Variants in TANC2 observed in about 807,000 individuals in gnomAD.
The protein encoded by TANC2 is tetratricopeptide repeat, ankyrin repeat and coiled-coil containing 2, also known as protein TANC2.
A neutral mutation model predicts 210.5 loss-of-function variants in TANC2; 26 were observed. That is an observed-to-expected ratio of 0.12 (90% confidence interval 0.09 to 0.17). The LOEUF is 0.17. Among genes scored for constraint, TANC2 ranks in the 10% least tolerant of loss-of-function variants. The pLI is 1.00. For missense variants in TANC2, 2,129 were observed against 2,608.9 expected, an observed-to-expected ratio of 0.82 and a Z score of 4.01; for synonymous variants, 931 against 967.1, an observed-to-expected ratio of 0.96 and a Z score of 0.69.
chr17:63,193,961 T>A, intron 5 of TANC2, 30 bp from the exon 6 acceptor site: 1 of 1,591,602 alleles, frequency 6.3e-7, no homozygotes, highest in Non-Finnish European at 8.6e-7. Flanking sequence ...TTTTGAAAGA[T>A]TCATGTTCTT....
At chr17:63,293,994 G>T (rs1252156038) in intron 9 of TANC2, among the ~76,000 whole-genome samples, 1 of 152,132 alleles carries the variant, frequency 6.6e-6, no homozygotes, top group Non-Finnish European at 1.5e-5. Context: ...CTCCTAGAGT[G>T]CTGGGATGAT....
At chr17:63,166,309 CAGAGAGAGAGAG>C (rs143389476) in intron 5 of TANC2, among the ~76,000 whole-genome samples, 1 of 149,368 alleles carries the variant, frequency 6.7e-6, no homozygotes. Context: ...CTAGATAGCA[CAGAGAGAGAGAG>C]AGAGAGAGAT....
intron 13 of TANC2, among the ~76,000 whole-genome samples, chr17:63,352,844 C>T (rs906883227): frequency 4.6e-5 from 7 of 152,014 alleles, no homozygotes; most frequent in Admixed American, 2.0e-4. Context: ...GTTCTAGGGG[C>T]TGGAGATTCA....
chr17:63,386,837 T>G (rs2047796280), intron 15 of TANC2, among the ~76,000 whole-genome samples: 1 of 152,134 alleles, frequency 6.6e-6, no homozygotes, highest in African/African-American at 2.4e-5. Flanking sequence ...TTTTTCCTTC[T>G]GTTTTTTGGT....
At chr17:63,401,214 A>G (rs183510188) in intron 19 of TANC2, among the ~76,000 whole-genome samples, 5 of 152,258 alleles carry the variant, frequency 3.3e-5, no homozygotes, top group Admixed American at 3.3e-4. Flanking sequence ...TTCACATACA[A>G]AAGTGGTCTG....
At chr17:63,200,691 TCAAAGCA>T in intron 6 of TANC2, 73 bp from the exon 7 acceptor site, 1 of 1,295,116 alleles carries the variant, frequency 7.7e-7, no homozygotes, top group Non-Finnish European at 1.1e-6. Context: ...TTTTTTTTCA[TCAAAGCA>T]TTTATTTTAT....
intron 11 of TANC2, among the ~76,000 whole-genome samples, chr17:63,329,252 A>G (rs1239423017): frequency 1.3e-5 from 2 of 152,186 alleles, no homozygotes; most frequent in Non-Finnish European, 2.9e-5. Context: ...TAAAGAGTTA[A>G]TATCTCTTAT....
chr17:63,358,148 A>C (rs577231704), intron 14 of TANC2, among the ~76,000 whole-genome samples: 1 of 152,350 alleles, frequency 6.6e-6, no homozygotes, highest in South Asian at 2.1e-4. Flanking sequence ...CAGTAATCTG[A>C]GAATGGTGCT....
intron 17 of TANC2, 33 bp downstream of exon 17, chr17:63,389,577 CCTTTTT>C (rs1292700344): frequency 2.6e-6 from 4 of 1,557,280 alleles, no homozygotes; most frequent in Non-Finnish European, 3.5e-6. Flanking sequence ...GCTTTTCTTC[CCTTTTT>C]CTTTATTTTC....
intron 9 of TANC2, among the ~76,000 whole-genome samples, chr17:63,271,086 ATTCCATGTCTT>A (rs2043688040): frequency 6.8e-6 from 1 of 147,376 alleles, no homozygotes; most frequent in Non-Finnish European, 1.5e-5. Context: ...ATTGAAGTTG[ATTCCATGTCTT>A]TGCTGTTGTG....
chr17:63,364,261 A>G (rs556125408), intron 14 of TANC2, among the ~76,000 whole-genome samples: 2 of 152,352 alleles, frequency 1.3e-5, no homozygotes, highest in South Asian at 4.1e-4. Flanking sequence ...GTCTCAGCAT[A>G]AATCATAGGA....
intron 7 of TANC2, among the ~76,000 whole-genome samples, chr17:63,205,358 A>AC (rs1555605785): frequency 6.8e-6 from 1 of 146,808 alleles, no homozygotes; most frequent in Non-Finnish European, 1.5e-5. Flanking sequence ...AAAAAAAAAA[A>AC]AAAAAAAAAA....
chr17:63,403,528 T>C (rs371718913), intron 19 of TANC2, among the ~76,000 whole-genome samples: 41 of 152,308 alleles, frequency 2.7e-4, no homozygotes, highest in Non-Finnish European at 3.4e-4. Flanking sequence ...GCATCACTTA[T>C]ATTTAAAAAA....
intron 26 of TANC2, among the ~76,000 whole-genome samples, chr17:63,416,758 G>A (rs1037674603): frequency 4.6e-5 from 7 of 152,138 alleles, no homozygotes; most frequent in African/African-American, 7.2e-5. Context: ...CAGAGAACAC[G>A]GCCATGGCCC....
chr17:63,277,356 G>A (rs879437490), intron 9 of TANC2, among the ~76,000 whole-genome samples: 16 of 151,244 alleles, frequency 1.1e-4, no homozygotes, highest in Non-Finnish European at 1.6e-4. Context: ...CTTGTGTCAC[G>A]GGGGTTTGTT....
At chr17:63,372,855 A>C (rs1160369506) in intron 14 of TANC2, among the ~76,000 whole-genome samples, 1 of 150,254 alleles carries the variant, frequency 6.7e-6, no homozygotes, top group Non-Finnish European at 1.5e-5. Flanking sequence ...CTTTATGACC[A>C]TATCTGAACC....
At chr17:63,178,719 T>G (rs1405235713) in intron 5 of TANC2, among the ~76,000 whole-genome samples, 1 of 152,180 alleles carries the variant, frequency 6.6e-6, no homozygotes, top group Admixed American at 6.5e-5. Flanking sequence ...AATAAGCAGT[T>G]TATAATCAAC....
chr17:63,354,026 A>G (rs1425295631), intron 13 of TANC2, among the ~76,000 whole-genome samples: 2 of 152,200 alleles, frequency 1.3e-5, no homozygotes, highest in Non-Finnish European at 2.9e-5. Flanking sequence ...GATACAGGGT[A>G]GTAGCTGGAA....
rs775888174 is a variant in TANC2, at chr17:63,412,164, G to T, written c.3898+34G>T. 2 of 1,613,682 alleles carry T rather than the reference G, an allele frequency of 1.2e-6. No individual in the cohort carries two copies. Among genetic ancestry groups the T allele is most frequent in the South Asian group, 2.2e-5 (2 of 91,028 alleles). On this transcript the variant is annotated intron_variant, in intron 23 of 27. Coordinates refer to ENST00000689528, the Ensembl canonical transcript of TANC2. The surrounding 1 kb of genome is among the most constrained non-coding windows in gnomAD (Gnocchi z 4.2). ...AGGGAAGAGGATGTTGGCCATCTGT[G>T]CCCAGGGGCCAGACTGGTCCAGTGG...
Sources: allele counts gnomAD v4.1 joint callset (sites outside exome capture counted in the v4.1 genomes callset), GRCh38; gene constraint gnomAD v4.1.1; non-coding constraint Gnocchi (gnomAD v3.1); transcripts MANE v1.5; gene names NCBI Gene and HGNC (gene_info 2026-07-23, HGNC 2026-07-21).